Variants in ZNF385B observed in about 807,000 individuals in gnomAD.
ZNF385B encodes the protein zinc finger protein 385B.
In ZNF385B, 23 loss-of-function variants were observed where a neutral mutation model predicts 39.2. That is an observed-to-expected ratio of 0.59 (90% confidence interval 0.42 to 0.83). The LOEUF (loss-of-function observed/expected upper bound fraction) is 0.83, where lower values mean the gene tolerates loss of function less well. Ranked by LOEUF, ZNF385B falls within the 40% of genes least tolerant of loss-of-function variation. The pLI, the probability that ZNF385B is intolerant of heterozygous loss-of-function variation, is 0.00. For synonymous variants in ZNF385B, 205 were observed against 222.6 expected (o/e 0.92, Z 0.70); for missense variants, 552 against 598.9 (o/e 0.92, Z 0.82).
chr2:179,581,688 T>G (rs947535177), intron 3 of ZNF385B, among the ~76,000 whole-genome samples: 1 of 152,220 alleles, frequency 6.6e-6, no homozygotes, highest in Non-Finnish European at 1.5e-5. Context: ...AGCAAATTGC[T>G]TCCCAGATAC....
At chr2:179,671,261 G>A (rs1216727710) in intron 3 of ZNF385B, among the ~76,000 whole-genome samples, 1 of 152,180 alleles carries the variant, frequency 6.6e-6, no homozygotes, top group Non-Finnish European at 1.5e-5. Flanking sequence ...ATTCCTGCAT[G>A]TGATTTCCAG....
chr2:179,631,488 C>T (rs907351298), intron 3 of ZNF385B, among the ~76,000 whole-genome samples: 1 of 152,136 alleles, frequency 6.6e-6, no homozygotes, highest in African/African-American at 2.4e-5. Context: ...TCTGTCACCA[C>T]CAGGCCTGCC....
Position 179,445,635 on chromosome 2 carries a change from C to A in ZNF385B, c.1055G>T (p.Gly352Val). 6.2e-7 allele frequency: 1 copy of A among 1,614,032 alleles called. No homozygotes were observed. Among genetic ancestry groups the A allele is most frequent in the Non-Finnish European group, 8.5e-7 (1 of 1,179,968 alleles). Residue 352 changes from glycine to valine, a missense_variant, in exon 8 of 10, where the codon GGC (glycine) becomes GTC (valine). Coordinates refer to ENST00000410066, the MANE Select transcript of ZNF385B (RefSeq NM_152520.6). ...RPGSRLKMQN[G>V]SKGSGLQNKT... ...GTTCTGTAGTCCTGACCCCTTACTG[C>A]CATTCTGCATCTTTAATCTTGATCC...
chr2:179,768,920 T>C (rs566999514), intron 3 of ZNF385B, among the ~76,000 whole-genome samples: 75 of 152,276 alleles, frequency 4.9e-4, no homozygotes, highest in African/African-American at 1.3e-3. Context: ...GTGAAAGCGA[T>C]GGATGATGGT....
At chr2:179,735,016 C>A (rs6724585) in intron 3 of ZNF385B, among the ~76,000 whole-genome samples, 13,671 of 151,328 alleles carry the variant, frequency 0.09, 669 homozygotes, top group Non-Finnish European at 0.11. Context: ...GCAACAAAAG[C>A]CAAAATTGAC....
chr2:179,823,704 T>A (rs1055976923), intron 1 of ZNF385B, among the ~76,000 whole-genome samples: 7 of 152,170 alleles, frequency 4.6e-5, no homozygotes, highest in Non-Finnish European at 8.8e-5. Flanking sequence ...GAGGCATTCT[T>A]AGACAACTTT....
At chr2:179,612,981 G>A (rs762238730) in intron 3 of ZNF385B, among the ~76,000 whole-genome samples, 9 of 152,112 alleles carry the variant, frequency 5.9e-5, no homozygotes, top group Non-Finnish European at 1.2e-4. Context: ...CTTTCCCTTC[G>A]CATAAGCAGA....
intron 3 of ZNF385B, among the ~76,000 whole-genome samples, chr2:179,691,604 T>C (rs1698358921): frequency 6.6e-6 from 1 of 152,216 alleles, no homozygotes; most frequent in Non-Finnish European, 1.5e-5. Context: ...TTTATTTTCC[T>C]CATCGCATAT....
Position 179,489,139 on chromosome 2 carries a change from C to G in ZNF385B, c.553-5705G>C, listed in dbSNP as rs367737956. 5.1e-4 allele frequency among the ~76,000 whole-genome samples: 77 copies of G among 152,206 alleles called. No homozygotes were observed. In the South Asian group the frequency reaches 5.4e-3, roughly 11 times the overall value. ...CAGAGCTGGGTTCTGCTGCAAGGGC[C>G]GGGCTCCGAAGTGGCAGAATGGAGA... On this transcript the variant is annotated intron_variant, in intron 5 of 9. Coordinates refer to ENST00000410066, the MANE Select transcript of ZNF385B (RefSeq NM_152520.6).
intron 3 of ZNF385B, among the ~76,000 whole-genome samples, chr2:179,718,984 T>A (rs1195908440): frequency 6.6e-6 from 1 of 151,720 alleles, no homozygotes; most frequent in East Asian, 1.9e-4. Context: ...ATATATTTTT[T>A]TTTTCTATAA....
chr2:179,694,990 A>AGGAGG (rs1559098881), intron 3 of ZNF385B, among the ~76,000 whole-genome samples: 16 of 147,610 alleles, frequency 1.1e-4, no homozygotes, highest in Non-Finnish European at 2.1e-4. Context: ...GGAGGAGGAG[A>AGGAGG]AGAAAAAGAA....
chr2:179,716,872 T>G (rs1045790772), intron 3 of ZNF385B, among the ~76,000 whole-genome samples: 2 of 152,192 alleles, frequency 1.3e-5, no homozygotes, highest in African/African-American at 4.8e-5. Flanking sequence ...TGAGACAACC[T>G]GAGCAAAACA....
intron 1 of ZNF385B, among the ~76,000 whole-genome samples, chr2:179,796,617 A>T (rs1705682308): frequency 6.6e-6 from 1 of 152,246 alleles, no homozygotes; most frequent in African/African-American, 2.4e-5. Flanking sequence ...GAGAGTGGCT[A>T]GTACTGCCTT....
chr2:179,789,800 C>T (rs1160250223), intron 1 of ZNF385B, among the ~76,000 whole-genome samples: 3 of 152,106 alleles, frequency 2.0e-5, no homozygotes, highest in Non-Finnish European at 2.9e-5. Flanking sequence ...TAAAAGGACT[C>T]GTGCCAAACA....
At chr2:179,509,275 A>C (rs1228900200) in intron 5 of ZNF385B, among the ~76,000 whole-genome samples, 3 of 152,136 alleles carry the variant, frequency 2.0e-5, no homozygotes, top group African/African-American at 7.2e-5. Flanking sequence ...TAAATTATCC[A>C]AATACCCATT....
At chr2:179,474,449 A>G (rs964100057) in intron 6 of ZNF385B, among the ~76,000 whole-genome samples, 1 of 152,180 alleles carries the variant, frequency 6.6e-6, no homozygotes, top group African/African-American at 2.4e-5. Flanking sequence ...GGCAAAAACC[A>G]TGATTACTTT....
chr2:179,772,124 G>T (rs984146316), intron 1 of ZNF385B, among the ~76,000 whole-genome samples: 13 of 152,032 alleles, frequency 8.6e-5, no homozygotes, highest in Non-Finnish European at 1.3e-4. Context: ...TAAAAATAAA[G>T]CCATGTTACC....
At chr2:179,539,459 T>G (rs1392899706) in intron 4 of ZNF385B, among the ~76,000 whole-genome samples, 4 of 152,246 alleles carry the variant, frequency 2.6e-5, no homozygotes, top group African/African-American at 9.6e-5. Flanking sequence ...ATATGTCTTA[T>G]AAATGTACTT....
At chr2:179,514,523 G>C (rs542658233) in intron 5 of ZNF385B, among the ~76,000 whole-genome samples, 1 of 152,070 alleles carries the variant, frequency 6.6e-6, no homozygotes, top group African/African-American at 2.4e-5. Context: ...ATGGGAGCTC[G>C]CTATGTTCTG....
Sources: allele counts gnomAD v4.1 joint callset (sites outside exome capture counted in the v4.1 genomes callset), GRCh38; gene constraint gnomAD v4.1.1; transcripts MANE v1.5; gene names NCBI Gene and HGNC (gene_info 2026-07-23, HGNC 2026-07-21).